The following STK38L variants were observed in gnomAD, a reference collection of about 807,000 sequenced individuals.
The protein encoded by STK38L is serine/threonine kinase 38 like, also known as serine/threonine-protein kinase 38-like.
STK38L carries 28 observed loss-of-function variants against 59.7 expected under a neutral mutation model. The observed-to-expected ratio is 0.47, with a 90% CI of 0.35 to 0.64. The LOEUF is 0.64. Among genes scored for constraint, STK38L ranks in the 30% least tolerant of loss-of-function variants. The pLI is 0.01. For synonymous variants in STK38L, 162 were observed against 176.8 expected (o/e 0.92, Z 0.66); for missense variants, 314 against 555.8 (o/e 0.56, Z 4.37).
chr12:27,255,118 G>A (rs1467192493), intron 1 of STK38L, among the ~76,000 whole-genome samples: 1 of 152,172 alleles, frequency 6.6e-6, no homozygotes, highest in African/African-American at 2.4e-5. Context: ...TGTAGTTAAA[G>A]CTTTAAGATC....
At chr12:27,251,468 A>G (rs1942974027) in intron 1 of STK38L, among the ~76,000 whole-genome samples, 1 of 152,198 alleles carries the variant, frequency 6.6e-6, no homozygotes, top group Admixed American at 6.5e-5. Flanking sequence ...CTTGTCTGAG[A>G]TCTCAAAATA....
rs1007453481 is a variant in STK38L at position 27,308,867 on chromosome 12, T to G, written c.310-247T>G. 7.9e-6 allele frequency among the ~76,000 whole-genome samples: 1 copy of G among 126,346 alleles called. No individual in the cohort carries two copies. Among genetic ancestry groups the G allele is most frequent in the Non-Finnish European group, 1.9e-5 (1 of 53,224 alleles). The allele number at this position is 126,346 out of a possible 152,430, so 82.9% of individuals were successfully genotyped here. On this transcript the variant is annotated intron_variant, in intron 4 of 13. Coordinates refer to ENST00000389032, the MANE Select transcript of STK38L (RefSeq NM_015000.4). The surrounding 1 kb of genome is among the most constrained non-coding windows in gnomAD (Gnocchi z 4.5). ...GTATGTATATATAAAAAAATATATA[T>G]AAATATAAATATATATAAATGTAAA...
chr12:27,312,841 ATTGTT>A (rs1385702871), intron 6 of STK38L, among the ~76,000 whole-genome samples, 169 bp downstream of exon 6: 1 of 152,196 alleles, frequency 6.6e-6, no homozygotes, highest in Non-Finnish European at 1.5e-5. Context: ...CACAAAACAG[ATTGTT>A]TTGAAGGAAT....
chr12:27,267,481 G>C (rs1012170136), intron 1 of STK38L, among the ~76,000 whole-genome samples: 34 of 152,170 alleles, frequency 2.2e-4, no homozygotes, highest in African/African-American at 7.7e-4. Flanking sequence ...CCCAGCTACT[G>C]GTGCAGGCTC....
intron 1 of STK38L, among the ~76,000 whole-genome samples, chr12:27,248,690 C>T (rs1044958694): frequency 6.6e-6 from 1 of 152,102 alleles, no homozygotes; most frequent in South Asian, 2.1e-4. Flanking sequence ...AAGTATTCTC[C>T]ACTTGACTCA....
At chr12:27,265,229 G>A (rs1205424328) in intron 1 of STK38L, among the ~76,000 whole-genome samples, 21 of 152,044 alleles carry the variant, frequency 1.4e-4, no homozygotes, top group Admixed American at 5.2e-4. Context: ...CTTTCCTTCC[G>A]CTTGTTTTCT....
rs563590191 is a variant in STK38L at position 27,306,420 on chromosome 12, A to G, written c.187-1919A>G. Among the ~76,000 whole-genome samples, 12 of 152,208 alleles carry G rather than the reference A, an allele frequency of 7.9e-5. 1 individual carries two copies. The South Asian group carries it at 2.3e-3, about 29-fold the overall frequency. ...CTATAGTGCCACCAAGTGGCCTTTT[A>G]AAAATTAGTCTTAAAATTTAAAATC... is the stretch of plus-strand genomic sequence containing the variant. On this transcript the variant is annotated intron_variant, in intron 3 of 13. Transcript: ENST00000389032.
intron 1 of STK38L, chr12:27,293,507 T>A (rs1314378428): frequency 1.3e-5 from 2 of 152,212 alleles, no homozygotes; most frequent in African/African-American, 4.8e-5. Context: ...ATCAGTAAAC[T>A]GCATTCTGTC....
chr12:27,245,657 ATTGTATGT>A (rs1364800214), intron 1 of STK38L: 1 of 152,154 alleles, frequency 6.6e-6, no homozygotes, highest in Non-Finnish European at 1.5e-5. Flanking sequence ...GCTGAGAGGT[ATTGTATGT>A]GAATTAGCCA....
intron 2 of STK38L, chr12:27,298,066 G>A (rs2169389): frequency 0.4 from 192,716 of 485,462 alleles, 39,710 homozygotes; most frequent in Admixed American, 0.49. Flanking sequence ...CTATATACCC[G>A]TATGACATGC....
chr12:27,315,106 C>G lies in STK38L; in HGVS notation c.764C>G (p.Pro255Arg). 1 of 1,613,180 alleles carries G rather than the reference C, an allele frequency of 6.2e-7. No homozygotes were observed. Residue 255 changes from proline to arginine, a missense_variant, in exon 8 of 14, where the codon CCA becomes CGA. By Grantham distance (103) the Pro-to-Arg change is moderately radical. Coordinates refer to ENST00000389032, the MANE Select transcript of STK38L (RefSeq NM_015000.4). Reference protein sequence around the residue: ...EFYRNLTHNPPSDFSFQNMNS... With the variant: ...EFYRNLTHNPRSDFSFQNMNS... ...TATAGAAATCTCACACACAACCCAC[C>G]AAGTGACTTCTGTAAGTTTGGTTGT...
chr12:27,244,921 T>C (rs1942817334), intron 1 of STK38L, among the ~76,000 whole-genome samples: 1 of 152,226 alleles, frequency 6.6e-6, no homozygotes, highest in Non-Finnish European at 1.5e-5. Flanking sequence ...CCTTTCAAAA[T>C]CATTTCTCCC....
intron 9 of STK38L, among the ~76,000 whole-genome samples, chr12:27,317,010 T>G (rs1324290916): frequency 6.6e-6 from 1 of 152,200 alleles, no homozygotes; most frequent in Non-Finnish European, 1.5e-5. Flanking sequence ...ATAACTTAAC[T>G]GAGCTTCTTG....
chr12:27,288,611 CAA>C (rs1943830606), intron 1 of STK38L, among the ~76,000 whole-genome samples: 1 of 151,986 alleles, frequency 6.6e-6, no homozygotes, highest in Non-Finnish European at 1.5e-5. Context: ...TCATGCTCTC[CAA>C]AAGTTTCCCT....
At chr12:27,266,485 CAG>C (rs1237808378) in intron 1 of STK38L, among the ~76,000 whole-genome samples, 4 of 152,214 alleles carry the variant, frequency 2.6e-5, no homozygotes, top group Admixed American at 6.5e-5. Context: ...ATTACCCTAA[CAG>C]TGGTAGAAAT....
intron 1 of STK38L, among the ~76,000 whole-genome samples, chr12:27,295,015 G>A (rs776794825): frequency 6.6e-6 from 1 of 152,074 alleles, no homozygotes; most frequent in Non-Finnish European, 1.5e-5. Flanking sequence ...TGACCTTTCT[G>A]CATCTGATCC....
chr12:27,280,814 C>T (rs537729174), intron 1 of STK38L, among the ~76,000 whole-genome samples: 26 of 152,320 alleles, frequency 1.7e-4, no homozygotes, highest in African/African-American at 6.0e-4. Context: ...AGATTTCCAA[C>T]AGCTTATAAA....
intron 1 of STK38L, among the ~76,000 whole-genome samples, chr12:27,275,609 G>A (rs927685942): frequency 2.6e-5 from 4 of 152,160 alleles, no homozygotes; most frequent in Admixed American, 1.3e-4. Context: ...AAACTGTTGG[G>A]ATTACAGGCA....
intron 3 of STK38L, 132 bp downstream of exon 3, chr12:27,302,320 G>T: frequency 1.5e-6 from 1 of 665,708 alleles, no homozygotes; most frequent in East Asian, 3.0e-5. Flanking sequence ...TTGCTGTCAT[G>T]GATATCTTTT....
Sources: allele counts gnomAD v4.1 joint callset (sites outside exome capture counted in the v4.1 genomes callset), GRCh38; gene constraint gnomAD v4.1.1; non-coding constraint Gnocchi (gnomAD v3.1); transcripts MANE v1.5; gene names NCBI Gene and HGNC (gene_info 2026-07-23, HGNC 2026-07-21).